The following CSMD1 variants were observed in gnomAD, a reference collection of about 807,000 sequenced individuals.
CSMD1 encodes the protein CUB and Sushi multiple domains 1, also known as CUB and sushi domain-containing protein 1.
In CSMD1, 213 loss-of-function variants were observed where a neutral mutation model predicts 417.5. The observed-to-expected ratio is 0.51, with a 90% CI of 0.46 to 0.57. The LOEUF (loss-of-function observed/expected upper bound fraction) is 0.57, where lower values mean the gene tolerates loss of function less well. CSMD1 is among the 20% of genes least tolerant of loss of function. The probability of loss-of-function intolerance (pLI) is 0.00; values close to 1 mark genes in which losing one functional copy is unlikely to be tolerated. For missense variants in CSMD1, 6,923 were observed against 4,529.7 expected, an observed-to-expected ratio of 1.53 and a Z score of -15.17; for synonymous variants, 2,862 against 1,736.8, an observed-to-expected ratio of 1.65 and a Z score of -16.11.
chr8:3,831,622 C>T (rs1468714444), intron 5 of CSMD1, among the ~76,000 whole-genome samples: 2 of 152,134 alleles, frequency 1.3e-5, no homozygotes, highest in Admixed American at 6.5e-5. Context: ...TTTCATTGCA[C>T]TACTTATGGG....
intron 5 of CSMD1, among the ~76,000 whole-genome samples, chr8:3,970,253 G>C (rs1315679132): frequency 6.6e-6 from 1 of 152,148 alleles, no homozygotes; most frequent in East Asian, 1.9e-4. Context: ...CAACTAAACA[G>C]ACCAGAACGC....
intron 1 of CSMD1, among the ~76,000 whole-genome samples, chr8:4,917,853 A>G (rs2117124313): frequency 6.6e-6 from 1 of 152,242 alleles, no homozygotes; most frequent in East Asian, 1.9e-4. Context: ...ATTTCCAAAG[A>G]CTGTAACATT....
chr8:3,947,089 T>TA (rs1811279646), intron 5 of CSMD1, among the ~76,000 whole-genome samples: 1 of 152,172 alleles, frequency 6.6e-6, no homozygotes, highest in African/African-American at 2.4e-5. Context: ...TAAAAGTGGA[T>TA]ATTATTTTTG....
intron 26 of CSMD1, among the ~76,000 whole-genome samples, chr8:3,268,444 A>G (rs138056192): frequency 0.28 from 42,465 of 151,356 alleles, 6,194 homozygotes; most frequent in Non-Finnish European, 0.32. Context: ...GCCCGCCACC[A>G]CGCCCAGCTG....
intron 12 of CSMD1, among the ~76,000 whole-genome samples, chr8:3,453,198 T>G (rs913905430): frequency 6.6e-6 from 1 of 152,188 alleles, no homozygotes; most frequent in Non-Finnish European, 1.5e-5. Context: ...ATTTGATTCT[T>G]TTCTCTTTTC....
At chr8:3,083,650 T>A (rs4392926) in intron 49 of CSMD1, among the ~76,000 whole-genome samples, 278 of 15,422 alleles carry the variant, frequency 0.018, no homozygotes, top group East Asian at 0.032. Context: ...ATATATATAT[T>A]TTTTTTTTTT....
At chr8:4,519,938 T>C (rs2406703) in intron 2 of CSMD1, among the ~76,000 whole-genome samples, 1,970 of 84,732 alleles carry the variant, frequency 0.023, 33 homozygotes, top group African/African-American at 0.052. Context: ...TGTGTGTGCG[T>C]GTGTGTGTGT....
chr8:3,782,592 C>T (rs983556026), intron 5 of CSMD1, among the ~76,000 whole-genome samples: 4 of 152,264 alleles, frequency 2.6e-5, no homozygotes, highest in Middle Eastern at 3.4e-3. Context: ...ACATGTAATC[C>T]TATGTAACAA....
At chr8:3,070,112 C>T (rs564340929) in intron 49 of CSMD1, among the ~76,000 whole-genome samples, 1 of 152,312 alleles carries the variant, frequency 6.6e-6, no homozygotes, top group Admixed American at 6.5e-5. Flanking sequence ...GGGCCCTGGG[C>T]CTGGCCCACA....
intron 4 of CSMD1, among the ~76,000 whole-genome samples, chr8:4,024,787 A>G (rs1031127591): frequency 6.6e-6 from 1 of 152,200 alleles, no homozygotes; most frequent in Non-Finnish European, 1.5e-5. Flanking sequence ...GTAGTTTATG[A>G]CAGCTTGTGA....
At position 4,291,498 on chromosome 8, in the gene CSMD1, G is replaced by C. The variant is rs377508089; in HGVS notation, c.415+128455C>G. Among the ~76,000 whole-genome samples, 18 of 152,188 alleles carry C rather than the reference G, an allele frequency of 1.2e-4. 1 individual carries two copies. Among genetic ancestry groups the C allele is most frequent in the African/African-American group, 3.9e-4 (16 of 41,546 alleles). On this transcript the variant is annotated intron_variant, in intron 3 of 69. Coordinates refer to ENST00000635120, the MANE Select transcript of CSMD1 (RefSeq NM_033225.6). ...TTATCTACTAATTCCCAGTGATTCT[G>C]ACATTTCACTTGTTTTCGGAAAGTA...
intron 2 of CSMD1, among the ~76,000 whole-genome samples, chr8:4,573,830 G>A (rs1015574725): frequency 1.3e-5 from 2 of 152,180 alleles, no homozygotes; most frequent in African/African-American, 4.8e-5. Context: ...CTAGGGAGGA[G>A]GAATCTAGAG....
chr8:4,924,470 C>A (rs186649670), intron 1 of CSMD1, among the ~76,000 whole-genome samples: 1 of 152,252 alleles, frequency 6.6e-6, no homozygotes, highest in East Asian at 1.9e-4. Flanking sequence ...CGCCTGTAAT[C>A]TCAGTACTTT....
chr8:3,083,622 ATATATATATATATATATATATATATAT>A (rs1814273208), intron 49 of CSMD1, among the ~76,000 whole-genome samples: 2 of 15,538 alleles, frequency 1.3e-4, no homozygotes, highest in Admixed American at 1.0e-3. Flanking sequence ...ATATATATAT[ATATATATATATATATATATATATATAT>A]TTTTTTTTTT....
At chr8:4,411,967 A>T (rs1796671461) in intron 3 of CSMD1, among the ~76,000 whole-genome samples, 1 of 149,284 alleles carries the variant, frequency 6.7e-6, no homozygotes, top group Admixed American at 6.8e-5. Flanking sequence ...TTTGATGAAA[A>T]GTACACAGCA....
intron 3 of CSMD1, among the ~76,000 whole-genome samples, chr8:4,254,041 C>T (rs1168695714): frequency 3.3e-5 from 5 of 149,694 alleles, no homozygotes; most frequent in East Asian, 4.0e-4. Context: ...CTCAGCCTCC[C>T]AAGTAGCTGG....
Position 3,230,239 on chromosome 8 carries a change from C to G in CSMD1, c.4154-8G>C, listed in dbSNP as rs1313356570. 1 of 1,561,500 alleles carries G rather than the reference C, an allele frequency of 6.4e-7. No individual in the cohort carries two copies. Among genetic ancestry groups the G allele is most frequent in the Non-Finnish European group, 8.7e-7 (1 of 1,151,246 alleles). On this transcript the variant is annotated splice_polypyrimidine_tract_variant and splice_region_variant and intron_variant, in intron 26 of 69. Transcript: ENST00000635120. ...AGGTGGCTGCAATTGAGGCTGCAAA[C>G]AAAAGAGAAGGCAAGGTCACAGGCT...
At chr8:3,084,946 T>C (rs1192550834) in intron 49 of CSMD1, among the ~76,000 whole-genome samples, 1 of 151,778 alleles carries the variant, frequency 6.6e-6, no homozygotes, top group East Asian at 1.9e-4. Flanking sequence ...AAAATAATTT[T>C]ATATTATAAT....
chr8:3,703,434 CTT>C (rs1800983644), intron 7 of CSMD1, among the ~76,000 whole-genome samples: 2 of 127,650 alleles, frequency 1.6e-5, no homozygotes, highest in East Asian at 2.2e-4. Context: ...TCCTTTCTCC[CTT>C]TTCATTCATT....
Sources: gnomAD v4.1 joint callset for allele counts (sites outside exome capture counted in the v4.1 genomes callset) on GRCh38, gnomAD v4.1.1 for gene constraint, MANE v1.5 for transcripts, NCBI Gene and HGNC (gene_info 2026-07-23, HGNC 2026-07-21) for gene names.